The following INSC variants were observed in gnomAD, a reference collection of about 807,000 sequenced individuals.
INSC encodes the protein INSC spindle orientation adaptor protein, also known as protein inscuteable homolog.
A neutral mutation model predicts 58.6 loss-of-function variants in INSC; 67 were observed. The observed-to-expected ratio is 1.14, with a 90% CI of 0.94 to 1.40. The LOEUF (loss-of-function observed/expected upper bound fraction) is 1.40. INSC is among the 40% of genes most tolerant of loss of function. The pLI is 0.00. For synonymous variants in INSC, 262 were observed against 276.1 expected, an observed-to-expected ratio of 0.95 and a Z score of 0.51; for missense variants, 714 against 692.0, an observed-to-expected ratio of 1.03 and a Z score of -0.36.
At chr11:15,249,021 C>A (rs543005122), downstream of INSC, among the ~76,000 whole-genome samples, 1 of 152,054 alleles carries the variant, frequency 6.6e-6, no homozygotes, top group Non-Finnish European at 1.5e-5. Context: ...CCGGTGGGAG[C>A]CATAAGGACT....
intron 1 of INSC, among the ~76,000 whole-genome samples, chr11:15,146,560 T>C (rs1471530552): frequency 1.3e-5 from 2 of 152,164 alleles, no homozygotes; most frequent in Non-Finnish European, 2.9e-5. Flanking sequence ...AAAAGATGAA[T>C]GATGGCACCT....
At chr11:15,213,907 C>T (rs1295963715) in intron 7 of INSC, among the ~76,000 whole-genome samples, 1 of 152,182 alleles carries the variant, frequency 6.6e-6, no homozygotes, top group Non-Finnish European at 1.5e-5. Context: ...GCTTCTGCAG[C>T]TTTCTATGGA....
At chr11:15,205,608 C>T (rs1366944612) in intron 7 of INSC, among the ~76,000 whole-genome samples, 1 of 152,044 alleles carries the variant, frequency 6.6e-6, no homozygotes, top group African/African-American at 2.4e-5. Context: ...GGAGGGCTGG[C>T]ATGTGGGAGA....
intron 1 of INSC, among the ~76,000 whole-genome samples, chr11:15,141,275 G>C (rs956152340): frequency 6.6e-6 from 1 of 151,914 alleles, no homozygotes; most frequent in Non-Finnish European, 1.5e-5. Context: ...TCTAGGTGAG[G>C]CCTAAAAGGT....
chr11:15,135,242 C>T (rs756607237), intron 1 of INSC, among the ~76,000 whole-genome samples: 1 of 152,192 alleles, frequency 6.6e-6, no homozygotes, highest in African/African-American at 2.4e-5. Flanking sequence ...TTATTGGGCT[C>T]CTACTCTGTG....
intron 2 of INSC, among the ~76,000 whole-genome samples, chr11:15,168,770 G>C (rs781217399): frequency 1.3e-5 from 2 of 152,184 alleles, no homozygotes; most frequent in African/African-American, 4.8e-5. Context: ...ATCCTGGTTG[G>C]GGAGTGACTA....
At chr11:15,152,755 T>C (rs1848693807) in intron 2 of INSC, among the ~76,000 whole-genome samples, 1 of 152,188 alleles carries the variant, frequency 6.6e-6, no homozygotes, top group African/African-American at 2.4e-5. Context: ...CTGGAGGGCC[T>C]GAAAGCTGAA....
intron 3 of INSC, among the ~76,000 whole-genome samples, chr11:15,176,656 A>G (rs1050786976): frequency 3.3e-5 from 5 of 152,138 alleles, no homozygotes; most frequent in Non-Finnish European, 4.4e-5. Flanking sequence ...GTAGGGTCCA[A>G]TCTAAGCTTT....
In INSC at chr11:15,221,518, C is replaced by T. The variant is rs1267286581; in HGVS notation, c.861C>T (p.Asn287=). The part of the protein sequence containing the change: ...VLCLADILTD[N]SHSEATRAEA... ...GCTTGGCCGACATCCTGACCGACAA[C>T]AGCCACTCAGAGGCCACACGGGCTG... Residue 287 remains asparagine (N), a synonymous_variant, in exon 8 of 13, where the codon AAC becomes AAT. Transcript: ENST00000379556. 6.2e-7 allele frequency: 1 copy of T among 1,613,630 alleles called. No individual in the cohort carries two copies. The highest frequency in any genetic ancestry group is 1.3e-5 in the African/African-American group (1 of 74,928).
chr11:15,214,412 CT>C (rs1851138085), intron 7 of INSC, among the ~76,000 whole-genome samples: 1 of 152,208 alleles, frequency 6.6e-6, no homozygotes, highest in South Asian at 2.1e-4. Flanking sequence ...ACTCTACCTC[CT>C]TTTCCTTAAA....
chr11:15,179,966 G>A (rs1000544131), intron 5 of INSC, among the ~76,000 whole-genome samples: 1 of 152,172 alleles, frequency 6.6e-6, no homozygotes, highest in African/African-American at 2.4e-5. Flanking sequence ...AATTAAAAGG[G>A]CTGAAAATGG....
At chr11:15,263,584 C>T in the INSC span, among the ~76,000 whole-genome samples, 1 of 152,086 alleles carries the variant, frequency 6.6e-6, no homozygotes, top group Non-Finnish European at 1.5e-5. Flanking sequence ...ATGTATCGTA[C>T]ATTCATTTTC....
intron 9 of INSC, among the ~76,000 whole-genome samples, chr11:15,231,828 C>G (rs1851936758): frequency 6.6e-6 from 1 of 152,116 alleles, no homozygotes; most frequent in Non-Finnish European, 1.5e-5. Context: ...GCAGTTTGGT[C>G]TTCAGTATTA....
intron 7 of INSC, among the ~76,000 whole-genome samples, chr11:15,204,259 C>T (rs1850710293): frequency 1.3e-5 from 2 of 152,242 alleles, no homozygotes; most frequent in African/African-American, 4.8e-5. Context: ...AGACGCGAAG[C>T]CACTTGCTCA....
At chr11:15,190,674 C>G (rs779309824) in intron 5 of INSC, 27 bp from the exon 6 acceptor site, 3 of 1,507,566 alleles carry the variant, frequency 2.0e-6, no homozygotes, top group South Asian at 1.1e-5. Flanking sequence ...TGAGTAACTA[C>G]TAGCTAACTT....
chr11:15,230,001 A>AATAT (rs1564917644), intron 9 of INSC, among the ~76,000 whole-genome samples: 2 of 25,302 alleles, frequency 7.9e-5, no homozygotes, highest in African/African-American at 3.3e-4. Flanking sequence ...ATATATATAT[A>AATAT]TATATATATA....
At chr11:15,127,892 G>A (rs1246200932) in intron 1 of INSC, among the ~76,000 whole-genome samples, 5 of 152,146 alleles carry the variant, frequency 3.3e-5, no homozygotes, top group Admixed American at 3.3e-4. Context: ...CTACTGGGGA[G>A]GCTGAGGCAG....
chr11:15,245,512 T>C (rs1280220370), intron 12 of INSC, among the ~76,000 whole-genome samples: 1 of 152,230 alleles, frequency 6.6e-6, no homozygotes, highest in Non-Finnish European at 1.5e-5. Context: ...CTGTCTACTT[T>C]TACAATATGT....
At chr11:15,237,182 T>C (rs1269992362) in intron 10 of INSC, among the ~76,000 whole-genome samples, 1 of 152,246 alleles carries the variant, frequency 6.6e-6, no homozygotes, top group Non-Finnish European at 1.5e-5. Flanking sequence ...TCCCTGTCTT[T>C]GTCCTAGAGG....
Sources: allele counts gnomAD v4.1 joint callset (sites outside exome capture counted in the v4.1 genomes callset), GRCh38; gene constraint gnomAD v4.1.1; transcripts MANE v1.5; gene names NCBI Gene and HGNC (gene_info 2026-07-23, HGNC 2026-07-21).